The following IMMP1L variants were observed in gnomAD, a reference collection of about 807,000 sequenced individuals.
The protein encoded by IMMP1L is inner mitochondrial membrane peptidase subunit 1.
Under a neutral mutation model 21.8 loss-of-function variants are expected in IMMP1L, and 24 were observed. The observed-to-expected ratio is 1.10, with a 90% CI of 0.80 to 1.55. IMMP1L has a LOEUF of 1.55. IMMP1L is among the 40% of genes most tolerant of loss of function. The pLI, the probability that IMMP1L is intolerant of heterozygous loss-of-function variation, is 0.00. For missense variants in IMMP1L, 195 were observed against 200.7 expected, an observed-to-expected ratio of 0.97 and a Z score of 0.17; for synonymous variants, 46 against 62.8, an observed-to-expected ratio of 0.73 and a Z score of 1.26.
chr11:31,491,444 T>C (rs1955253866), intron 1 of IMMP1L, among the ~76,000 whole-genome samples: 1 of 152,236 alleles, frequency 6.6e-6, no homozygotes, highest in Non-Finnish European at 1.5e-5. Flanking sequence ...TGTTGTAAAG[T>C]GGCAGAAAAC....
intron 1 of IMMP1L, among the ~76,000 whole-genome samples, chr11:31,492,506 C>T (rs1357323910): frequency 6.6e-6 from 1 of 152,158 alleles, no homozygotes; most frequent in Non-Finnish European, 1.5e-5. Context: ...CCATTGCATT[C>T]ACAGCTTAAC....
chr11:31,504,416 A>G (rs879407557), intron 1 of IMMP1L, among the ~76,000 whole-genome samples: 10 of 152,216 alleles, frequency 6.6e-5, no homozygotes, highest in Non-Finnish European at 1.3e-4. Context: ...CCTTTCACAA[A>G]AGAGGTTACC....
At chr11:31,456,659 C>A (rs939262093) in intron 3 of IMMP1L, among the ~76,000 whole-genome samples, 1 of 151,782 alleles carries the variant, frequency 6.6e-6, no homozygotes, top group African/African-American at 2.4e-5. Context: ...CAAGAATTAT[C>A]TTTTGCATTG....
chr11:31,456,395 GA>G lies in IMMP1L; in HGVS notation c.195-10del. On this transcript the variant is annotated splice_polypyrimidine_tract_variant and intron_variant, in intron 3 of 5. Coordinates refer to ENST00000532287, the MANE Select transcript of IMMP1L (RefSeq NM_001304274.2). ...CAATCACAATGTCACCTCTGAGGGGGAAAAGTCAAAGAAATGTCTGTATTAT... is the reference window on the plus strand; with the variant it reads ...CAATCACAATGTCACCTCTGAGGGGGAAAGTCAAAGAAATGTCTGTATTAT... 1 of 1,605,964 alleles carries G rather than the reference GA, an allele frequency of 6.2e-7. No individual in the cohort carries two copies. The highest frequency in any genetic ancestry group is 8.5e-7 in the Non-Finnish European group (1 of 1,174,750).
chr11:31,487,913 A>G (rs1955136206), intron 1 of IMMP1L, among the ~76,000 whole-genome samples: 1 of 152,180 alleles, frequency 6.6e-6, no homozygotes, highest in Non-Finnish European at 1.5e-5. Flanking sequence ...TAGCACCTTT[A>G]TAATAGTTGC....
At chr11:31,494,802 C>T (rs552658964) in intron 1 of IMMP1L, among the ~76,000 whole-genome samples, 22 of 152,236 alleles carry the variant, frequency 1.4e-4, no homozygotes, top group East Asian at 3.9e-4. Flanking sequence ...CCCGCCACCA[C>T]GCCCAGCTAA....
Position 31,460,716 on chromosome 11 carries a change from T to C in IMMP1L, c.106-2A>G. The C allele has an allele frequency of 6.4e-7, 1 of 1,556,476 alleles. No homozygotes were observed. Among genetic ancestry groups the C allele is most frequent in the Admixed American group, 1.7e-5 (1 of 57,788 alleles). Reference sequence around the variant, plus strand: ...AGGCTCCATTGATGGTCCAGAACACTGAAAAGAGAGGTAATTTGTAATCTA... The same window carrying C: ...AGGCTCCATTGATGGTCCAGAACACCGAAAAGAGAGGTAATTTGTAATCTA... On this transcript the variant is annotated splice_acceptor_variant, in intron 2 of 5. Coordinates refer to ENST00000532287, the MANE Select transcript of IMMP1L (RefSeq NM_001304274.2). LOFTEE classifies it high-confidence loss of function.
chr11:31,452,431 G>A (rs763071165), intron 4 of IMMP1L: 17 of 985,334 alleles, frequency 1.7e-5, no homozygotes, highest in Non-Finnish European at 2.0e-5. Context: ...GGTTTACTTT[G>A]CATTTTGCCT....
intron 1 of IMMP1L, among the ~76,000 whole-genome samples, chr11:31,480,963 G>C (rs1366000819): frequency 1.3e-5 from 2 of 151,988 alleles, no homozygotes; most frequent in African/African-American, 2.4e-5. Context: ...AAGCCCACAA[G>C]AGCCATGGTC....
chr11:31,452,307 T>A, intron 4 of IMMP1L: 8 of 983,352 alleles, frequency 8.1e-6, no homozygotes, highest in Non-Finnish European at 9.7e-6. Context: ...TATCACACAA[T>A]ATTATACTAA....
At chr11:31,460,371 T>C (rs973901510) in intron 3 of IMMP1L, among the ~76,000 whole-genome samples, 2 of 152,150 alleles carry the variant, frequency 1.3e-5, no homozygotes, top group African/African-American at 2.4e-5. Context: ...CTTACATGTA[T>C]ATTGTAAGGG....
At chr11:31,483,014 A>T (rs1401510923) in intron 1 of IMMP1L, among the ~76,000 whole-genome samples, 2 of 152,072 alleles carry the variant, frequency 1.3e-5, no homozygotes, top group Non-Finnish European at 2.9e-5. Context: ...AACTATATAG[A>T]TAAATCTTAA....
chr11:31,502,874 T>C (rs1955665542), intron 1 of IMMP1L, among the ~76,000 whole-genome samples: 1 of 152,230 alleles, frequency 6.6e-6, no homozygotes, highest in Non-Finnish European at 1.5e-5. Flanking sequence ...GTGTTGACCA[T>C]TAAAAACACT....
chr11:31,500,302 A>G (rs1365187548), intron 1 of IMMP1L, among the ~76,000 whole-genome samples: 1 of 152,158 alleles, frequency 6.6e-6, no homozygotes, highest in African/African-American at 2.4e-5. Context: ...CACGAGCATG[A>G]GAAAGAAGGT....
chr11:31,463,537 T>A (rs1954225156), intron 1 of IMMP1L, among the ~76,000 whole-genome samples: 1 of 152,194 alleles, frequency 6.6e-6, no homozygotes, highest in Non-Finnish European at 1.5e-5. Flanking sequence ...GGTCTACATA[T>A]GAATTATATA....
chr11:31,500,578 A>C (rs767675064), intron 1 of IMMP1L, among the ~76,000 whole-genome samples: 71 of 145,208 alleles, frequency 4.9e-4, no homozygotes, highest in Non-Finnish European at 6.5e-4. Context: ...CCCTCCAAAA[A>C]TCTGTTCCAC....
At chr11:31,470,920 A>T (rs1954526683) in intron 1 of IMMP1L, among the ~76,000 whole-genome samples, 1 of 152,232 alleles carries the variant, frequency 6.6e-6, no homozygotes. Context: ...AAGCTAAAAA[A>T]GTTGATTTCA....
At chr11:31,495,213 C>T (rs540909640) in intron 1 of IMMP1L, among the ~76,000 whole-genome samples, 57 of 150,918 alleles carry the variant, frequency 3.8e-4, no homozygotes, top group African/African-American at 1.4e-3. Context: ...AGCCATTCAA[C>T]AAGTCTCCAA....
At chr11:31,494,735 G>A (rs569693973) in intron 1 of IMMP1L, among the ~76,000 whole-genome samples, 16 of 151,822 alleles carry the variant, frequency 1.1e-4, no homozygotes, top group Admixed American at 7.2e-4. Context: ...TCCACCTCCC[G>A]GATTTACTTA....
Sources: gnomAD v4.1 joint callset for allele counts (sites outside exome capture counted in the v4.1 genomes callset) on GRCh38, gnomAD v4.1.1 for gene constraint, MANE v1.5 for transcripts, NCBI Gene and HGNC (gene_info 2026-07-23, HGNC 2026-07-21) for gene names.